Variants in SV2C observed in about 807,000 individuals in gnomAD.
SV2C encodes the protein synaptic vesicle glycoprotein 2C.
In SV2C, 49 loss-of-function variants were observed where a neutral mutation model predicts 79.7. The ratio of observed to expected loss-of-function variants is 0.61; its 90% CI spans 0.49 to 0.78. The LOEUF (loss-of-function observed/expected upper bound fraction) is 0.78, where lower values mean the gene tolerates loss of function less well. Among genes scored for constraint, SV2C ranks in the 30% least tolerant of loss-of-function variants. The pLI is 0.00. For synonymous variants in SV2C, 334 were observed against 333.2 expected (o/e 1.00, Z -0.03); for missense variants, 833 against 912.9 (o/e 0.91, Z 1.13).
intron 1 of SV2C, among the ~76,000 whole-genome samples, chr5:76,102,312 C>T (rs571869928): frequency 6.6e-6 from 1 of 152,248 alleles, no homozygotes; most frequent in East Asian, 1.9e-4. Flanking sequence ...CCACCTCCCA[C>T]CCACCCACCA....
chr5:76,309,394 A>G (rs951916052), intron 12 of SV2C, among the ~76,000 whole-genome samples: 1 of 151,900 alleles, frequency 6.6e-6, no homozygotes, highest in Admixed American at 6.6e-5. Context: ...AGGTCAGGAG[A>G]TCGAGACCAT....
At chr5:75,969,837 T>C in the SV2C span, among the ~76,000 whole-genome samples, 6 of 152,022 alleles carry the variant, frequency 3.9e-5, no homozygotes, top group African/African-American at 7.3e-5. Flanking sequence ...TAGACATCTA[T>C]AGAACTCTCC....
intron 4 of SV2C, among the ~76,000 whole-genome samples, chr5:76,237,348 T>C (rs1745643792): frequency 1.3e-5 from 2 of 152,236 alleles, no homozygotes; most frequent in African/African-American, 2.4e-5. Flanking sequence ...ATTCTTCCCA[T>C]ATCTATAGTC....
the SV2C span, among the ~76,000 whole-genome samples, chr5:75,934,319 T>TTTTTTTTC: frequency 0.011 from 1,572 of 146,838 alleles, 58 homozygotes; most frequent in African/African-American, 0.036. Context: ...TTTTTTTTTT[T>TTTTTTTTC]CACTGTCGCT....
At chr5:76,185,791 C>A (rs7443575) in intron 2 of SV2C, among the ~76,000 whole-genome samples, 19 of 151,906 alleles carry the variant, frequency 1.3e-4, no homozygotes, top group African/African-American at 2.7e-4. Flanking sequence ...GACATTTTCC[C>A]CATTGTCCTG....
At chr5:76,040,599 T>C in the SV2C span, among the ~76,000 whole-genome samples, 1 of 152,114 alleles carries the variant, frequency 6.6e-6, no homozygotes, top group Non-Finnish European at 1.5e-5. Flanking sequence ...GAAGCAAAAA[T>C]GGAGAGGAAA....
chr5:75,900,468 C>T, the SV2C span, among the ~76,000 whole-genome samples: 2 of 152,118 alleles, frequency 1.3e-5, no homozygotes, highest in East Asian at 3.9e-4. Flanking sequence ...TGTGGGTAAC[C>T]CGACCTTTCT....
the SV2C span, among the ~76,000 whole-genome samples, chr5:75,881,953 T>C: frequency 1.3e-5 from 2 of 148,404 alleles, no homozygotes; most frequent in African/African-American, 5.2e-5. Context: ...ATAGCTCTTA[T>C]TATTTTGAAA....
rs868305831 is a variant in SV2C, at chr5:76,240,016, G to A, written c.913+30129G>A. ...CTTAAGCTAAGATGTTGGTGTTTTT[G>A]TTCCTTTTCCTTTCTTATGCTTTTT... On this transcript the variant is annotated intron_variant, in intron 4 of 12. Coordinates refer to ENST00000502798, the MANE Select transcript of SV2C (RefSeq NM_014979.4). Among the ~76,000 whole-genome samples the A allele has an allele frequency of 5.9e-5, 9 of 152,306 alleles. No homozygotes were observed. The Middle Eastern group carries it at 0.017, about 288-fold the overall frequency.
At chr5:76,179,043 T>C (rs555451813) in intron 2 of SV2C, among the ~76,000 whole-genome samples, 2 of 152,286 alleles carry the variant, frequency 1.3e-5, no homozygotes, top group Admixed American at 6.5e-5. Context: ...AGGAGTCAAA[T>C]TGAAAATTAA....
chr5:75,938,709 G>A, the SV2C span, among the ~76,000 whole-genome samples: 1 of 152,100 alleles, frequency 6.6e-6, no homozygotes, highest in Non-Finnish European at 1.5e-5. Flanking sequence ...TCTTGATCTG[G>A]TAACACGTAT....
chr5:75,897,199 T>C, the SV2C span, among the ~76,000 whole-genome samples: 3 of 151,402 alleles, frequency 2.0e-5, no homozygotes, highest in Admixed American at 1.3e-4. Context: ...TTTATGGTTT[T>C]AGGTCTAACA....
At chr5:76,190,687 T>G (rs1744072216) in intron 2 of SV2C, among the ~76,000 whole-genome samples, 1 of 152,210 alleles carries the variant, frequency 6.6e-6, no homozygotes, top group Non-Finnish European at 1.5e-5. Flanking sequence ...TCACTGGGCC[T>G]CTATTGTAGA....
intron 4 of SV2C, among the ~76,000 whole-genome samples, chr5:76,226,594 G>A (rs1012876030): frequency 1.3e-5 from 2 of 152,218 alleles, no homozygotes; most frequent in Non-Finnish European, 2.9e-5. Context: ...GTAAGTACAT[G>A]TTTAGCTTGA....
At chr5:76,037,236 C>T in the SV2C span, among the ~76,000 whole-genome samples, 2 of 152,232 alleles carry the variant, frequency 1.3e-5, no homozygotes, top group Admixed American at 1.3e-4. Context: ...AAGCCTTCTT[C>T]TCTCAGCTCG....
the SV2C span, among the ~76,000 whole-genome samples, chr5:76,030,289 T>TTTTATTTA: frequency 2.5e-5 from 3 of 117,870 alleles, no homozygotes; most frequent in Admixed American, 8.4e-5. Context: ...TTTTTTTTTT[T>TTTTATTTA]TTTATTTATT....
At chr5:75,985,807 T>C in the SV2C span, among the ~76,000 whole-genome samples, 1 of 152,078 alleles carries the variant, frequency 6.6e-6, no homozygotes, top group South Asian at 2.1e-4. Flanking sequence ...CATTAGTAGA[T>C]AGAGAATGCT....
intron 3 of SV2C, among the ~76,000 whole-genome samples, chr5:76,196,740 G>T (rs985324280): frequency 6.6e-6 from 1 of 152,172 alleles, no homozygotes; most frequent in African/African-American, 2.4e-5. Flanking sequence ...CTTTCAGTTT[G>T]CAATCTTTTT....
At chr5:76,137,614 TAG>T in intron 2 of SV2C, among the ~76,000 whole-genome samples, 1 of 152,232 alleles carries the variant, frequency 6.6e-6, no homozygotes, top group Middle Eastern at 3.4e-3. Flanking sequence ...AGCAAGGGGT[TAG>T]AGAGTCTTTC....
Sources: gnomAD v4.1 joint callset for allele counts (sites outside exome capture counted in the v4.1 genomes callset) on GRCh38, gnomAD v4.1.1 for gene constraint, MANE v1.5 for transcripts, NCBI Gene and HGNC (gene_info 2026-07-23, HGNC 2026-07-21) for gene names.